CACHD1: variants seen among roughly 807,000 people sequenced by gnomAD.
The protein encoded by CACHD1 is cache domain containing 1, also known as VWFA and cache domain-containing protein 1.
CACHD1 carries 71 observed loss-of-function variants against 138.7 expected under a neutral mutation model. The observed-to-expected ratio is 0.51, with a 90% CI of 0.42 to 0.62. The LOEUF (loss-of-function observed/expected upper bound fraction) is 0.62. CACHD1 is among the 20% of genes least tolerant of loss of function. The pLI is 0.00. For synonymous variants in CACHD1, 578 were observed against 591.5 expected (o/e 0.98, Z 0.33); for missense variants, 1,389 against 1,625.3 (o/e 0.85, Z 2.50).
intron 1 of CACHD1, among the ~76,000 whole-genome samples, chr1:64,504,456 T>C (rs1646356670): frequency 6.6e-6 from 1 of 152,212 alleles, no homozygotes; most frequent in Non-Finnish European, 1.5e-5. Context: ...CTTAATGAAT[T>C]TTCTAGCAAG....
intron 3 of CACHD1, among the ~76,000 whole-genome samples, chr1:64,600,121 T>C (rs1647198146): frequency 6.6e-6 from 1 of 152,160 alleles, no homozygotes; most frequent in African/African-American, 2.4e-5. Flanking sequence ...GGTTCATAAC[T>C]TGGAGAGCAA....
At chr1:64,683,589 C>G (rs931721109) in intron 26 of CACHD1, among the ~76,000 whole-genome samples, 1 of 152,154 alleles carries the variant, frequency 6.6e-6, no homozygotes, top group African/African-American at 2.4e-5. Flanking sequence ...TATGAAGCAA[C>G]AGCTTAGATA....
chr1:64,523,038 T>C (rs535437056), intron 1 of CACHD1, among the ~76,000 whole-genome samples: 4 of 152,336 alleles, frequency 2.6e-5, no homozygotes, highest in African/African-American at 9.6e-5. Flanking sequence ...CCCTTCTGTT[T>C]ACTGCTGCCT....
At chr1:64,638,983 T>C (rs1368697722) in intron 7 of CACHD1, among the ~76,000 whole-genome samples, 1 of 152,174 alleles carries the variant, frequency 6.6e-6, no homozygotes, top group African/African-American at 2.4e-5. Flanking sequence ...ATTGTTGGAA[T>C]GGAAAGAAAA....
chr1:64,555,946 A>C (rs561006828), intron 2 of CACHD1, among the ~76,000 whole-genome samples: 1 of 152,284 alleles, frequency 6.6e-6, no homozygotes, highest in African/African-American at 2.4e-5. Flanking sequence ...TGGTTCCATT[A>C]GTCTATTTAT....
intron 7 of CACHD1, among the ~76,000 whole-genome samples, chr1:64,636,812 C>G (rs1015945679): frequency 2.6e-5 from 4 of 152,186 alleles, no homozygotes; most frequent in Non-Finnish European, 5.9e-5. Flanking sequence ...ATCCATCCAT[C>G]TTTGCAAGCA....
chr1:64,511,834 T>G (rs146912208), intron 1 of CACHD1, among the ~76,000 whole-genome samples: 1 of 152,332 alleles, frequency 6.6e-6, no homozygotes, highest in East Asian at 1.9e-4. Flanking sequence ...ACAGTTGCCT[T>G]CCTTTGAACT....
intron 12 of CACHD1, among the ~76,000 whole-genome samples, chr1:64,657,737 TCTTTTA>T: frequency 6.6e-6 from 1 of 152,336 alleles, no homozygotes; most frequent in East Asian, 1.9e-4. Context: ...TTATCCTTCA[TCTTTTA>T]CTTTTATTTC....
chr1:64,608,703 G>T (rs1483914189), intron 4 of CACHD1, among the ~76,000 whole-genome samples: 1 of 152,126 alleles, frequency 6.6e-6, no homozygotes, highest in Non-Finnish European at 1.5e-5. Context: ...TTATATTATG[G>T]TTCTGGTAAT....
At chr1:64,682,454 A>G (rs1415470097) in intron 26 of CACHD1, among the ~76,000 whole-genome samples, 5 of 152,130 alleles carry the variant, frequency 3.3e-5, no homozygotes, top group African/African-American at 1.2e-4. Context: ...CCCTTGGGGC[A>G]TGACAAGAAT....
chr1:64,598,225 A>AT (rs1318490540), intron 3 of CACHD1, among the ~76,000 whole-genome samples: 1 of 152,140 alleles, frequency 6.6e-6, no homozygotes, highest in African/African-American at 2.4e-5. Flanking sequence ...CCAGCCCTGT[A>AT]TATCTTAAGC....
chr1:64,671,218 G>T (rs1348016688), intron 16 of CACHD1, among the ~76,000 whole-genome samples: 28 of 151,886 alleles, frequency 1.8e-4, no homozygotes, highest in Admixed American at 1.8e-3. Flanking sequence ...CTAGAGGTTT[G>T]TTGGAAGTAA....
In CACHD1 at chr1:64,641,939, G is replaced by C; in HGVS notation, c.1126G>C (p.Val376Leu). ...AGAAAATAGCTTTCTAAACAACTCT[G>C]TAATGATTCTCACCTATGCCCTCAT... is the stretch of plus-strand genomic sequence containing the variant. ...NEENSFLNNS[V>L]MILTYALMND... The change falls in exon 8 of 27, where the codon GTA (valine) becomes CTA (leucine). Residue 376 changes from valine to leucine, a missense_variant. Transcript: ENST00000651257. The C allele has an allele frequency of 1.9e-6, 3 of 1,598,954 alleles. No homozygotes were observed. The highest frequency in any genetic ancestry group is 2.6e-6 in the Non-Finnish European group (3 of 1,175,180).
chr1:64,501,626 A>G (rs1390271781), intron 1 of CACHD1, among the ~76,000 whole-genome samples: 1 of 152,236 alleles, frequency 6.6e-6, no homozygotes, highest in African/African-American at 2.4e-5. Flanking sequence ...AATTACTTCT[A>G]CTTCTGGTGT....
chr1:64,515,806 G>A (rs115792338), intron 1 of CACHD1, among the ~76,000 whole-genome samples: 2,171 of 152,242 alleles, frequency 0.014, 54 homozygotes, highest in African/African-American at 0.05. Context: ...ATCTTTCTAC[G>A]ATTATAGAAA....
chr1:64,609,936 G>A (rs947745554), intron 4 of CACHD1, among the ~76,000 whole-genome samples: 1 of 152,098 alleles, frequency 6.6e-6, no homozygotes, highest in Non-Finnish European at 1.5e-5. Context: ...AGGTTTAATT[G>A]ACTCACAGTT....
At chr1:64,540,658 C>G (rs538096858) in intron 1 of CACHD1, among the ~76,000 whole-genome samples, 1 of 152,156 alleles carries the variant, frequency 6.6e-6, no homozygotes, top group Non-Finnish European at 1.5e-5. Context: ...ACCCGCTCTC[C>G]TGGTTTTGAA....
At chr1:64,546,880 C>T (rs1646722199) in intron 1 of CACHD1, among the ~76,000 whole-genome samples, 1 of 151,822 alleles carries the variant, frequency 6.6e-6, no homozygotes, top group Admixed American at 6.6e-5. Flanking sequence ...CTTTAATTAC[C>T]CTGGACAATA....
intron 8 of CACHD1, among the ~76,000 whole-genome samples, chr1:64,644,872 C>T (rs547445216): frequency 3.3e-5 from 5 of 152,292 alleles, no homozygotes; most frequent in East Asian, 3.9e-4. Context: ...CCGAGGCAGG[C>T]GGATCACCTG....
Sources: gnomAD v4.1 joint callset for allele counts (sites outside exome capture counted in the v4.1 genomes callset) on GRCh38, gnomAD v4.1.1 for gene constraint, MANE v1.5 for transcripts, NCBI Gene and HGNC (gene_info 2026-07-23, HGNC 2026-07-21) for gene names.